KBTBD3: variants seen among roughly 807,000 people sequenced by gnomAD.
The protein encoded by KBTBD3 is kelch repeat and BTB domain-containing protein 3.
KBTBD3 carries 38 observed loss-of-function variants against 49.6 expected under a neutral mutation model. The observed-to-expected ratio is 0.77, with a 90% CI of 0.59 to 1.00. KBTBD3 has a LOEUF of 1.00. Ranked by LOEUF, KBTBD3 falls within the 50% of genes least tolerant of loss-of-function variation. The probability of loss-of-function intolerance (pLI) is 0.00; values close to 1 mark genes in which losing one functional copy is unlikely to be tolerated. For missense variants in KBTBD3, 661 were observed against 712.0 expected (o/e 0.93, Z 0.81); for synonymous variants, 214 against 250.4 (o/e 0.85, Z 1.37).
intron 3 of KBTBD3, chr11:106,058,027 T>C (rs1196561112): frequency 1.3e-5 from 5 of 398,348 alleles, no homozygotes; most frequent in African/African-American, 1.0e-4. Context: ...TCCAGAGAAC[T>C]TTGGGAAATG....
chr11:106,067,328 G>T (rs1860828807), intron 2 of KBTBD3, among the ~76,000 whole-genome samples: 1 of 152,170 alleles, frequency 6.6e-6, no homozygotes, highest in South Asian at 2.1e-4. Flanking sequence ...TGCAGGCCAG[G>T]CATGGTGGCT....
intron 2 of KBTBD3, among the ~76,000 whole-genome samples, chr11:106,060,277 C>G: frequency 6.6e-6 from 1 of 151,210 alleles, no homozygotes; most frequent in East Asian, 1.9e-4. Context: ...ATATACATAC[C>G]TATGTATATA....
chr11:106,065,694 C>T (rs11226911), intron 2 of KBTBD3, among the ~76,000 whole-genome samples: 22,402 of 152,008 alleles, frequency 0.15, 3,568 homozygotes, highest in African/African-American at 0.39. Flanking sequence ...GGCGCGGTGG[C>T]TCATGCCTGT....
rs149673935 is a variant in KBTBD3 at position 106,071,108 on chromosome 11, A to G, written c.-13+5399T>C. Among the ~76,000 whole-genome samples, 207 of 152,290 alleles carry G rather than the reference A, an allele frequency of 1.4e-3. 2 individuals carry two copies. The highest frequency in any genetic ancestry group is 4.7e-3 in the African/African-American group (196 of 41,592). On this transcript the variant is annotated intron_variant, in intron 2 of 3. Transcript: ENST00000531837. ...TTAAGATATTAAAAGATAACAAAAG[A>G]TCAATCAATTCAGAAACTATTTTGA...
At chr11:106,074,702 A>G (rs1039395296) in intron 2 of KBTBD3, among the ~76,000 whole-genome samples, 5 of 152,204 alleles carry the variant, frequency 3.3e-5, no homozygotes, top group African/African-American at 9.6e-5. Flanking sequence ...AGGCTAGAAA[A>G]CTGATTAGTA....
At chr11:106,060,286 T>C (rs945313689) in intron 2 of KBTBD3, among the ~76,000 whole-genome samples, 29 of 152,110 alleles carry the variant, frequency 1.9e-4, no homozygotes, top group East Asian at 3.9e-4. Flanking sequence ...CCTATGTATA[T>C]AACTATATAT....
Position 106,054,164 on chromosome 11 carries a change from G to A in KBTBD3, c.525C>T (p.His175=), listed in dbSNP as rs917677794. Residue 175 remains histidine (H), a synonymous_variant, in exon 4 of 4, where the codon CAC becomes CAT. Transcript: ENST00000531837. ...ATAAAGAAAAGTGATGTTGTACAAA[G>A]TGTAATGCATGATCAAACAAACTGG... The part of the protein sequence containing the change: ...GSTSLFDHAL[H]FVQHHFSLLF... 1 of 1,613,008 alleles carries A rather than the reference G, an allele frequency of 6.2e-7. No homozygotes were observed. Among genetic ancestry groups the A allele is most frequent in the Admixed American group, 1.7e-5 (1 of 59,820 alleles).
intron 2 of KBTBD3, among the ~76,000 whole-genome samples, chr11:106,069,953 C>T (rs1435649977): frequency 6.6e-6 from 1 of 151,918 alleles, no homozygotes; most frequent in Non-Finnish European, 1.5e-5. Context: ...GAAGTAGCCC[C>T]ATACAGTACA....
Position 106,071,723 on chromosome 11 carries a change from A to G in KBTBD3, c.-13+4784T>C, listed in dbSNP as rs188077282. On this transcript the variant is annotated intron_variant, in intron 2 of 3. Coordinates refer to ENST00000531837, the MANE Select transcript of KBTBD3 (RefSeq NM_198439.3). The stretch of plus-strand genomic sequence containing the variant: ...AACAAAGAATATGACATTTGCAACT[A>G]GAGAAATAGTCCTAAATGGTTCATC... 1.9e-3 allele frequency among the ~76,000 whole-genome samples: 294 copies of G among 152,286 alleles called. 5 individuals carry two copies. The highest frequency in any genetic ancestry group is 0.017 in the Admixed American group (262 of 15,302).
chr11:106,073,904 T>A (rs537758776), intron 2 of KBTBD3, among the ~76,000 whole-genome samples: 20 of 152,284 alleles, frequency 1.3e-4, no homozygotes, highest in East Asian at 7.7e-4. Flanking sequence ...ATCATTTTTT[T>A]AAAAAATATT....
Position 106,052,723 on chromosome 11 carries a change from T to C in KBTBD3, c.*127A>G. ...TTTTTGGAAACTGTTTATTCATATA[T>C]GGTGTACATACATAATAACTAAAAG... On this transcript the variant is annotated 3_prime_UTR_variant, in exon 4 of 4. Transcript: ENST00000531837. 1 of 687,312 alleles carries C rather than the reference T, an allele frequency of 1.5e-6. No individual in the cohort carries two copies. The highest frequency in any genetic ancestry group is 2.4e-6 in the Non-Finnish European group (1 of 415,996). 42.6% of individuals were successfully genotyped at this position (687,312 alleles called of 1,614,324 possible). A position where few individuals can be genotyped will look rare whatever the true frequency, so the allele number is the denominator to read the frequency against.
chr11:106,056,239 T>C (rs982121178), intron 3 of KBTBD3, among the ~76,000 whole-genome samples: 8 of 152,364 alleles, frequency 5.3e-5, no homozygotes, highest in Admixed American at 2.0e-4. Context: ...ATGTGAATTA[T>C]GTACTCATTT....
chr11:106,072,919 A>C (rs1860947850), intron 2 of KBTBD3, among the ~76,000 whole-genome samples: 1 of 152,234 alleles, frequency 6.6e-6, no homozygotes, highest in African/African-American at 2.4e-5. Flanking sequence ...GGTGAAAATG[A>C]CATAATAAAT....
intron 2 of KBTBD3, among the ~76,000 whole-genome samples, chr11:106,066,230 G>A (rs970644875): frequency 1.3e-5 from 2 of 152,122 alleles, no homozygotes; most frequent in Non-Finnish European, 2.9e-5. Context: ...CTGTTGACAG[G>A]TAAACACTGA....
In KBTBD3 at chr11:106,059,031, C is replaced by T. The variant is rs1860623875; in HGVS notation, c.67G>A (p.Glu23Lys). The change falls in exon 3 of 4, where the codon GAG (glutamate) becomes AAG (lysine). Residue 23 changes from glutamate (E) to lysine (K), a missense_variant. Glu to Lys is a moderately conservative substitution (Grantham distance 56, BLOSUM62 1). Coordinates refer to ENST00000531837, the MANE Select transcript of KBTBD3 (RefSeq NM_198439.3). ...QRSTCNGIPS[E>K]KKNNFLVSED... ...GATACAAGGAAGTTGTTTTTCTTCTCAGATGGAATTCCATTACATGTGCTT... is the reference window on the plus strand; with the variant it reads ...GATACAAGGAAGTTGTTTTTCTTCTTAGATGGAATTCCATTACATGTGCTT... 1 of 1,556,784 alleles carries T rather than the reference C, an allele frequency of 6.4e-7. No individual in the cohort carries two copies. The highest frequency in any genetic ancestry group is 8.6e-7 in the Non-Finnish European group (1 of 1,162,418).
At chr11:106,073,258 C>CTTTTT (rs374062847) in intron 2 of KBTBD3, among the ~76,000 whole-genome samples, 4 of 113,080 alleles carry the variant, frequency 3.5e-5, no homozygotes, top group Non-Finnish European at 3.5e-5. Context: ...GCACACTCAG[C>CTTTTT]TTTTTTTTTT....
intron 2 of KBTBD3, among the ~76,000 whole-genome samples, chr11:106,068,564 AT>A (rs1860856182): frequency 6.6e-6 from 1 of 152,176 alleles, no homozygotes; most frequent in South Asian, 2.1e-4. Context: ...GAAATATATA[AT>A]TTGAACAGCC....
chr11:106,074,208 C>T (rs1860986529), intron 2 of KBTBD3, among the ~76,000 whole-genome samples: 1 of 151,294 alleles, frequency 6.6e-6, no homozygotes, highest in Non-Finnish European at 1.5e-5. Context: ...CTAGTATCTT[C>T]CATCTTTAAA....
At chr11:106,067,597 G>A (rs541580950) in intron 2 of KBTBD3, among the ~76,000 whole-genome samples, 18 of 121,936 alleles carry the variant, frequency 1.5e-4, no homozygotes, top group African/African-American at 4.6e-4. Context: ...GGAGACAAGA[G>A]CAAAACTCCG....
Sources: gnomAD v4.1 joint callset for allele counts (sites outside exome capture counted in the v4.1 genomes callset) on GRCh38, gnomAD v4.1.1 for gene constraint, MANE v1.5 for transcripts, NCBI Gene and HGNC (gene_info 2026-07-23, HGNC 2026-07-21) for gene names.